TTC7B: variants seen among roughly 807,000 people sequenced by gnomAD.
The protein encoded by TTC7B is tetratricopeptide repeat domain 7B, also known as tetratricopeptide repeat protein 7B.
A neutral mutation model predicts 106.8 loss-of-function variants in TTC7B; 28 were observed. The ratio of observed to expected loss-of-function variants is 0.26; its 90% CI spans 0.19 to 0.36. TTC7B has a LOEUF of 0.36. Ranked by LOEUF, TTC7B falls within the 10% of genes least tolerant of loss-of-function variation. The pLI, the probability that TTC7B is intolerant of heterozygous loss-of-function variation, is 1.00. For missense variants in TTC7B, 862 were observed against 1,076.4 expected (o/e 0.80, Z 2.79); for synonymous variants, 405 against 430.6 (o/e 0.94, Z 0.74).
intron 18 of TTC7B, among the ~76,000 whole-genome samples, chr14:90,579,732 G>C (rs984823708): frequency 2.0e-5 from 3 of 152,230 alleles, no homozygotes; most frequent in African/African-American, 7.2e-5. Flanking sequence ...CTGGGAGGTG[G>C]AGGTTGCAGT....
At position 90,631,713 on chromosome 14, in the gene TTC7B, G is replaced by A. The variant is rs1202230651; in HGVS notation, c.1751+12335C>T. On this transcript the variant is annotated intron_variant, in intron 15 of 19. Transcript: ENST00000328459. The stretch of plus-strand genomic sequence containing the variant: ...GAGCCACCCTGCCCAGCCTGAGTCT[G>A]CACCATTTTATATTCCCACTAGCAA... 2.6e-5 allele frequency among the ~76,000 whole-genome samples: 4 copies of A among 152,176 alleles called. No individual in the cohort carries two copies. The East Asian group carries it at 7.7e-4, about 29-fold the overall frequency.
rs1453102173 is a variant in TTC7B at position 90,658,158 on chromosome 14, G to A, written c.1236+146C>T. On this transcript the variant is annotated intron_variant, in intron 10 of 19. Coordinates refer to ENST00000328459, the MANE Select transcript of TTC7B (RefSeq NM_001010854.2). The stretch of plus-strand genomic sequence containing the variant: ...GCTCCCCAAACAATTAAATCTGATT[G>A]TTCACTGAGAACGGACCACGATAGT... The A allele has an allele frequency of 7.5e-6, 5 of 666,246 alleles. No individual in the cohort carries two copies. In the East Asian group the frequency reaches 1.1e-4, roughly 14 times the overall value. The allele number at this position is 666,246 out of a possible 1,614,324, so 41.3% of individuals were successfully genotyped here. A position where few individuals can be genotyped will look rare whatever the true frequency, so the allele number is the denominator to read the frequency against.
chr14:90,618,695 G>T (rs150084643), intron 15 of TTC7B, among the ~76,000 whole-genome samples: 3 of 152,098 alleles, frequency 2.0e-5, no homozygotes, highest in African/African-American at 7.2e-5. Flanking sequence ...TCTCTCTTTC[G>T]TGGCCCCACA....
chr14:90,603,830 C>T (rs994258441), intron 17 of TTC7B, among the ~76,000 whole-genome samples: 1 of 152,128 alleles, frequency 6.6e-6, no homozygotes, highest in African/African-American at 2.4e-5. Flanking sequence ...GTATGTTTTC[C>T]CCCCTCTAAC....
At chr14:90,544,231 T>A (rs556556340) in intron 19 of TTC7B, among the ~76,000 whole-genome samples, 47 of 152,224 alleles carry the variant, frequency 3.1e-4, no homozygotes, top group Admixed American at 4.6e-4. Context: ...GGCTTCAGGG[T>A]CAGCTCTACC....
chr14:90,676,153 C>G (rs924464556), intron 9 of TTC7B: 1 of 169,408 alleles, frequency 5.9e-6, no homozygotes, highest in Non-Finnish European at 1.3e-5. Context: ...AGGCCACTGG[C>G]GATTTCACTG....
intron 5 of TTC7B, among the ~76,000 whole-genome samples, chr14:90,729,331 T>G (rs986202151): frequency 4.5e-4 from 68 of 152,164 alleles, no homozygotes; most frequent in African/African-American, 1.6e-3. Flanking sequence ...GGGTCCCCTC[T>G]GCCATTCAAA....
intron 3 of TTC7B, among the ~76,000 whole-genome samples, chr14:90,771,500 C>A (rs1441091641): frequency 6.6e-6 from 1 of 152,096 alleles, no homozygotes; most frequent in East Asian, 1.9e-4. Context: ...GGGGCTGAGG[C>A]AGGAGGATCT....
At chr14:90,720,131 A>G (rs1442751859) in intron 5 of TTC7B, among the ~76,000 whole-genome samples, 1 of 151,722 alleles carries the variant, frequency 6.6e-6, no homozygotes, top group East Asian at 1.9e-4. Flanking sequence ...AAAAGACTGG[A>G]CGCCCCTGAC....
At chr14:90,633,704 T>G (rs970283578) in intron 15 of TTC7B, among the ~76,000 whole-genome samples, 2 of 152,054 alleles carry the variant, frequency 1.3e-5, no homozygotes, top group Non-Finnish European at 2.9e-5. Flanking sequence ...TTTGGGCCAA[T>G]GAGGAAAATT....
chr14:90,640,681 G>C (rs1885134487), intron 15 of TTC7B, among the ~76,000 whole-genome samples: 2 of 152,034 alleles, frequency 1.3e-5, no homozygotes, highest in South Asian at 4.2e-4. Context: ...CAGTAGTATT[G>C]GTAGTAATAG....
intron 5 of TTC7B, among the ~76,000 whole-genome samples, chr14:90,715,502 A>G (rs1290593032): frequency 6.6e-6 from 1 of 152,184 alleles, no homozygotes; most frequent in Admixed American, 6.5e-5. Context: ...AGTACTTGCT[A>G]TGTGTAATGA....
chr14:90,684,543 G>A (rs948585196), intron 7 of TTC7B, among the ~76,000 whole-genome samples: 6 of 152,072 alleles, frequency 3.9e-5, no homozygotes, highest in South Asian at 4.1e-4. Flanking sequence ...GAAATACCTC[G>A]CAGCAATGAA....
chr14:90,536,048 T>C lies in TTC7B; in HGVS notation c.*5320A>G, dbSNP rs1889412054. 1 of 154,096 alleles carries C rather than the reference T, an allele frequency of 6.5e-6. No individual in the cohort carries two copies. Among genetic ancestry groups the C allele is most frequent in the South Asian group, 2.1e-4 (1 of 4,848 alleles). The allele number at this position is 154,096 out of a possible 1,614,324, so 9.5% of individuals were successfully genotyped here. A position where few individuals can be genotyped will look rare whatever the true frequency, so the allele number is the denominator to read the frequency against. The stretch of plus-strand genomic sequence containing the variant: ...GGGCGGGGGCTCCACCCTATGAATC[T>C]GGGGGAGCAAAACTGCATCCCCAGC... On this transcript the variant is annotated 3_prime_UTR_variant, in exon 20 of 20. Coordinates refer to ENST00000328459, the MANE Select transcript of TTC7B (RefSeq NM_001010854.2).
intron 4 of TTC7B, among the ~76,000 whole-genome samples, chr14:90,735,829 TCAAC>T (rs1200685123): frequency 6.6e-6 from 1 of 152,110 alleles, no homozygotes; most frequent in Non-Finnish European, 1.5e-5. Flanking sequence ...AATTAAAAAT[TCAAC>T]CAAATCCCAA....
In TTC7B at chr14:90,600,600, C is replaced by G. The variant is rs989133383; in HGVS notation, c.1967-6974G>C. Among the ~76,000 whole-genome samples the G allele has an allele frequency of 2.0e-5, 3 of 152,212 alleles. No individual in the cohort carries two copies. Among genetic ancestry groups the G allele is most frequent in the African/African-American group, 4.8e-5 (2 of 41,444 alleles). On this transcript the variant is annotated intron_variant, in intron 17 of 19. Transcript: ENST00000328459. The surrounding 1 kb of genome is among the most constrained non-coding windows in gnomAD (Gnocchi z 4.3). ...AGCACCGTTTAAACCTGACAGCACA[C>G]GTCTTGTCCTGAAAGGGGGAAGCTC...
chr14:90,578,137 C>G lies in TTC7B; in HGVS notation c.2279G>C (p.Ser760Thr). 6.2e-7 allele frequency: 1 copy of G among 1,612,672 alleles called. No individual in the cohort carries two copies. The highest frequency in any genetic ancestry group is 1.3e-5 in the African/African-American group (1 of 75,060). ...CTGCATGCTCTTCACGTGGGTGGGG[C>G]TGATGGCTAAGGCCTCTTCATACCA... is the stretch of plus-strand genomic sequence containing the variant. ...RRWYEEALAISPTHVKSMQRL... is the reference protein window; with the variant it reads ...RRWYEEALAITPTHVKSMQRL... Residue 760 changes from serine (S) to threonine (T), a missense_variant, in exon 19 of 20, where the codon AGC becomes ACC. Physicochemically the swap from Ser to Thr is moderately conservative, Grantham distance 58 (BLOSUM62 1). Transcript: ENST00000328459. The surrounding 1 kb of genome is among the most constrained non-coding windows in gnomAD (Gnocchi z 4.7).
chr14:90,649,301 G>C (rs983766215), intron 13 of TTC7B, among the ~76,000 whole-genome samples: 4 of 152,202 alleles, frequency 2.6e-5, no homozygotes, highest in African/African-American at 9.6e-5. Flanking sequence ...AAGGAAATAA[G>C]GCAAATGCCA....
chr14:90,730,615 T>C (rs1229557929), intron 4 of TTC7B, among the ~76,000 whole-genome samples: 1 of 152,194 alleles, frequency 6.6e-6, no homozygotes, highest in Non-Finnish European at 1.5e-5. Flanking sequence ...GCTGCAGCCC[T>C]GCATGAGCTT....
Sources: gnomAD v4.1 joint callset for allele counts (sites outside exome capture counted in the v4.1 genomes callset) on GRCh38, gnomAD v4.1.1 for gene constraint, Gnocchi (gnomAD v3.1) non-coding constraint, MANE v1.5 for transcripts, NCBI Gene and HGNC (gene_info 2026-07-23, HGNC 2026-07-21) for gene names.